Variants in SHFL observed in about 807,000 individuals in gnomAD.
SHFL encodes the protein shiftless antiviral inhibitor of ribosomal frameshifting protein.
SHFL carries 12 observed loss-of-function variants against 34.7 expected under a neutral mutation model. That is an observed-to-expected ratio of 0.35 (90% CI 0.22 to 0.56). The LOEUF (loss-of-function observed/expected upper bound fraction) is 0.56, where lower values mean the gene tolerates loss of function less well. Among genes scored for constraint, SHFL ranks in the 20% least tolerant of loss-of-function variants. The pLI, the probability that SHFL is intolerant of heterozygous loss-of-function variation, is 0.88. For missense variants in SHFL, 278 were observed against 411.1 expected, an observed-to-expected ratio of 0.68 and a Z score of 2.80; for synonymous variants, 148 against 156.0, an observed-to-expected ratio of 0.95 and a Z score of 0.38.
In SHFL at chr19:10,086,901, C is replaced by G. The variant is rs780734067; in HGVS notation, c.22-28C>G. 5 of 1,612,264 alleles carry G rather than the reference C, an allele frequency of 3.1e-6. No individual in the cohort carries two copies. In the East Asian group the frequency reaches 1.1e-4, roughly 36 times the overall value. On this transcript the variant is annotated intron_variant, in intron 1 of 7. Coordinates refer to ENST00000253110, the MANE Select transcript of SHFL (RefSeq NM_018381.4). This position sits in a 1 kb window ranked among gnomAD's most constrained non-coding sequence, Gnocchi z 5.2. The stretch of plus-strand genomic sequence containing the variant: ...GGGATGATCCCGTTTCCCCTTCCCC[C>G]ACCGGAACCCCCCTGTCTCCATCCC...
At position 10,092,259 on chromosome 19, in the gene SHFL, A is replaced by T. The variant is rs775987745; in HGVS notation, c.833A>T (p.Glu278Val). ...ILEDLKEEEE[E>V]EEEVEDEEGG... is the part of the protein sequence containing the mutation. ...GAGGACCTGAAGGAGGAGGAGGAGG[A>T]AGAGGAGGAGGTGGAGGACGAGGAG... The change falls in exon 8 of 8, where the codon GAA becomes GTA. Residue 278 changes from glutamate to valine, a missense_variant. Coordinates refer to ENST00000253110, the MANE Select transcript of SHFL (RefSeq NM_018381.4). 1.2e-6 allele frequency: 2 copies of T among 1,606,136 alleles called. No homozygotes were observed. Among genetic ancestry groups the T allele is most frequent in the South Asian group, 2.2e-5 (2 of 90,344 alleles).
chr19:10,089,158 G>A, intron 3 of SHFL: 1 of 702,190 alleles, frequency 1.4e-6, no homozygotes, highest in Non-Finnish European at 2.4e-6. Context: ...AGGGGCAGCT[G>A]CGATTTGAAC....
Position 10,092,398 on chromosome 19 carries a change from G to C in SHFL, c.*96G>C. 6.6e-7 allele frequency: 1 copy of C among 1,521,066 alleles called. No homozygotes were observed. Among genetic ancestry groups the C allele is most frequent in the Non-Finnish European group, 8.8e-7 (1 of 1,137,854 alleles). The allele number at this position is 1,521,066 out of a possible 1,614,324, so 94.2% of individuals were successfully genotyped here. ...AAACCGAGATATGAATGACCTTGGG[G>C]AGCCATCTGAGGCCAAGATATTGAC... On this transcript the variant is annotated 3_prime_UTR_variant, in exon 8 of 8. Transcript: ENST00000253110.
At position 10,091,361 on chromosome 19, in the gene SHFL, C is replaced by A; in HGVS notation, c.488+8C>A. On this transcript the variant is annotated splice_region_variant and intron_variant, in intron 6 of 7. Coordinates refer to ENST00000253110, the MANE Select transcript of SHFL (RefSeq NM_018381.4). The surrounding 1 kb of genome is among the most constrained non-coding windows in gnomAD (Gnocchi z 8.2). ...GTGTCGGCACAACTTCCGGTGAGGG[C>A]GCTGACCCCCAGCTCCCCCTCAGCC... 1 of 1,610,200 alleles carries A rather than the reference C, an allele frequency of 6.2e-7. No individual in the cohort carries two copies. The highest frequency in any genetic ancestry group is 8.5e-7 in the Non-Finnish European group (1 of 1,177,294).
chr19:10,092,559 C>G lies in SHFL; in HGVS notation c.*257C>G. On this transcript the variant is annotated 3_prime_UTR_variant, in exon 8 of 8. Transcript: ENST00000253110. ...TTGGGCTCCTGCTGACCAATGTCCT[C>G]TAGGGCCTAGGGGACAGAGGAACAC... The G allele has an allele frequency of 6.3e-7, 1 of 1,576,926 alleles. No individual in the cohort carries two copies. The highest frequency in any genetic ancestry group is 8.6e-7 in the Non-Finnish European group (1 of 1,157,406).
rs376814995 is a variant in SHFL at position 10,089,777 on chromosome 19, AGG to A, written c.234+85_234+86del. On this transcript the variant is annotated intron_variant, in intron 4 of 7. Coordinates refer to ENST00000253110, the MANE Select transcript of SHFL (RefSeq NM_018381.4). ...ACAGAAGGATGTCCATTAGGGCAGG[AGG>A]GGAGATATTCACTGGGGCAGGAAGA... The A allele has an allele frequency of 2.8e-3, 4,322 of 1,556,646 alleles. 147 individuals are homozygous for A. The South Asian group carries it at 0.048, about 17-fold the overall frequency.
At chr19:10,089,448 C>G (rs1169600790) in intron 3 of SHFL, 1 of 1,546,546 alleles carries the variant, frequency 6.5e-7, no homozygotes, top group Non-Finnish European at 8.8e-7. Context: ...CCCATCTGAG[C>G]AATAAGGTAA....
At chr19:10,088,669 G>C (rs1237731491) in intron 3 of SHFL, among the ~76,000 whole-genome samples, 1 of 152,124 alleles carries the variant, frequency 6.6e-6, no homozygotes, top group East Asian at 1.9e-4. Flanking sequence ...AGAGGGGCCA[G>C]GTGTGGTGGC....
intron 3 of SHFL, 168 bp downstream of exon 3, chr19:10,087,468 C>T (rs1163673238): frequency 1.4e-6 from 1 of 691,146 alleles, no homozygotes; most frequent in Non-Finnish European, 2.5e-6. Flanking sequence ...CATCATTTGT[C>T]CGGCCAGGGA....
chr19:10,092,185 C>G lies in SHFL; in HGVS notation c.759C>G (p.Thr253=). 6.2e-7 allele frequency: 1 copy of G among 1,613,672 alleles called. No individual in the cohort carries two copies. Among genetic ancestry groups the G allele is most frequent in the African/African-American group, 1.3e-5 (1 of 75,044 alleles). ...TTAGCAGTGGCTCCACTGTGGCCAC[C>G]TGCTTGAGCCAGGGTGGCCTCCTGG... ...PHISSGSTVA[T]CLSQGGLLED... is the part of the protein sequence containing the mutation. Residue 253 remains threonine, a synonymous_variant, in exon 8 of 8, where the codon ACC becomes ACG. Transcript: ENST00000253110.
In SHFL at chr19:10,086,335, C is replaced by A; in HGVS notation, c.-93C>A. The A allele has an allele frequency of 8.5e-7, 1 of 1,172,616 alleles. No individual in the cohort carries two copies. The highest frequency in any genetic ancestry group is 4.1e-5 in the South Asian group (1 of 24,318). 72.6% of individuals were successfully genotyped at this position (1,172,616 alleles called of 1,614,324 possible). ...CGGCCCCGAGGCACCGCCCCCTGCCCTGCGCGGCTGCTGGACCGACGGGCG... is the reference window on the plus strand; with the variant it reads ...CGGCCCCGAGGCACCGCCCCCTGCCATGCGCGGCTGCTGGACCGACGGGCG... On this transcript the variant is annotated 5_prime_UTR_variant, in exon 1 of 8. It adds an upstream start codon to the 5' untranslated region. Transcript: ENST00000253110. This position sits in a 1 kb window ranked among gnomAD's most constrained non-coding sequence, Gnocchi z 5.2.
intron 3 of SHFL, chr19:10,089,122 G>A (rs1488480173): frequency 1.6e-6 from 1 of 639,112 alleles, no homozygotes; most frequent in Non-Finnish European, 2.8e-6. Flanking sequence ...CAAAGAAACT[G>A]AGGCCGAAGT....
chr19:10,089,438 C>T (rs1349994379), intron 3 of SHFL: 4 of 1,567,524 alleles, frequency 2.6e-6, no homozygotes, highest in Non-Finnish European at 3.5e-6. Flanking sequence ...CCTCAGTTTC[C>T]CCATCTGAGC....
In SHFL at chr19:10,091,257, G is replaced by A; in HGVS notation, c.392G>A (p.Arg131Gln). 6 of 1,613,680 alleles carry A rather than the reference G, an allele frequency of 3.7e-6. No individual in the cohort carries two copies. Among genetic ancestry groups the A allele is most frequent in the East Asian group, 2.2e-5 (1 of 44,874 alleles). Residue 131 changes from arginine to glutamine, a missense_variant, in exon 6 of 8, where the codon CGG becomes CAG. Around this residue, in one of 2 missense-constraint regions of SHFL, gnomAD observed 243 missense variants for 386.2 expected, o/e 0.63. Transcript: ENST00000253110. The surrounding 1 kb of genome is among the most constrained non-coding windows in gnomAD (Gnocchi z 8.2). The part of the protein sequence containing the change: ...RRVPQRKEVS[R>Q]CRKCRKRYEP... ...CCTGCCCACCACCACCAGGTATCCC[G>A]GTGCCGGAAATGCCGGAAGCGCTAC...
Position 10,093,158 on chromosome 19 carries a change from G to A in SHFL, c.*856G>A. On this transcript the variant is annotated 3_prime_UTR_variant, in exon 8 of 8. Coordinates refer to ENST00000253110, the MANE Select transcript of SHFL (RefSeq NM_018381.4). ...TTGATTCTTTTTTTGCCTCATCAGA[G>A]AAGGAATCTGGACTCCCCATCCCCC... 2 of 730,878 alleles carry A rather than the reference G, an allele frequency of 2.7e-6. No homozygotes were observed. Among genetic ancestry groups the A allele is most frequent in the Non-Finnish European group, 2.2e-6 (1 of 454,356 alleles). The allele number at this position is 730,878 out of a possible 1,614,324, so 45.3% of individuals were successfully genotyped here.
intron 3 of SHFL, 174 bp from the exon 4 acceptor site, chr19:10,089,483 G>A: frequency 7.1e-7 from 1 of 1,405,894 alleles, no homozygotes; most frequent in Admixed American, 1.9e-5. Context: ...TCTCAGGGCT[G>A]CTATGAGGAC....
At chr19:10,089,169 C>A in intron 3 of SHFL, 1 of 781,036 alleles carries the variant, frequency 1.3e-6, no homozygotes, top group Non-Finnish European at 2.1e-6. Flanking sequence ...CGATTTGAAC[C>A]CTGGCCACCT....
chr19:10,092,374 A>G lies in SHFL; in HGVS notation c.*72A>G. The G allele has an allele frequency of 6.5e-7, 1 of 1,532,360 alleles. No individual in the cohort carries two copies. The allele number at this position is 1,532,360 out of a possible 1,614,324, so 94.9% of individuals were successfully genotyped here. Reference sequence around the variant, plus strand: ...TGTGTTATTATAAGATATGAGCTCAAACCGAGATATGAATGACCTTGGGGA... The same window carrying G: ...TGTGTTATTATAAGATATGAGCTCAGACCGAGATATGAATGACCTTGGGGA... On this transcript the variant is annotated 3_prime_UTR_variant, in exon 8 of 8. Coordinates refer to ENST00000253110, the MANE Select transcript of SHFL (RefSeq NM_018381.4).
chr19:10,090,702 A>C (rs111619143), intron 5 of SHFL, among the ~76,000 whole-genome samples: 24,778 of 151,798 alleles, frequency 0.16, 2,680 homozygotes, highest in East Asian at 0.42. Context: ...TCAGCCTCCC[A>C]AAGTGCTGGG....
Sources: gnomAD v4.1 joint callset for allele counts (sites outside exome capture counted in the v4.1 genomes callset) on GRCh38, gnomAD v4.1.1 for gene constraint, gnomAD v4.1.1 regional missense constraint, Gnocchi (gnomAD v3.1) non-coding constraint, MANE v1.5 for transcripts, NCBI Gene and HGNC (gene_info 2026-07-23, HGNC 2026-07-21) for gene names.